Variants in VWA7 observed in about 807,000 individuals in gnomAD.
VWA7 encodes the protein von Willebrand factor A domain containing 7.
VWA7 carries 66 observed loss-of-function variants against 83.1 expected under a neutral mutation model. That is an observed-to-expected ratio of 0.79 (90% CI 0.65 to 0.98). VWA7 has a LOEUF of 0.98. VWA7 is among the 50% of genes least tolerant of loss of function. VWA7 has a pLI of 0.00. For synonymous variants in VWA7, 424 were observed against 488.5 expected (o/e 0.87, Z 1.74); for missense variants, 1,080 against 1,160.2 (o/e 0.93, Z 1.00).
chr6:31,769,936 C>A lies in VWA7; in HGVS notation c.1200+65G>T. 6.4e-7 allele frequency: 1 copy of A among 1,551,688 alleles called. No homozygotes were observed. Among genetic ancestry groups the A allele is most frequent in the Non-Finnish European group, 8.9e-7 (1 of 1,126,670 alleles). On this transcript the variant is annotated intron_variant, in intron 8 of 16. Coordinates refer to ENST00000375688, the MANE Select transcript of VWA7 (RefSeq NM_025258.3). This position sits in a 1 kb window ranked among gnomAD's most constrained non-coding sequence, Gnocchi z 4.5. Reference sequence around the variant, plus strand: ...TAGGTGCTGAAGGTGGTGGGGAGCCCCAGGAGGGATCTAGCTCCCCCTGGT... The same window carrying A: ...TAGGTGCTGAAGGTGGTGGGGAGCCACAGGAGGGATCTAGCTCCCCCTGGT...
rs757317476 is a variant in VWA7 at position 31,769,071 on chromosome 6, C to T, written c.1450G>A (p.Asp484Asn). ...ASGGEVIFTK[D>N]QHIRDVAAIV... ...GCTGCCACGTCTCGAATGTGCTGGT[C>T]TTTGGTGAAGATCACCTCTCCTCCT... Residue 484 changes from aspartate to asparagine, a missense_variant, in exon 10 of 17, where the codon GAC (aspartate) becomes AAC (asparagine). Transcript: ENST00000375688. The surrounding 1 kb of genome is among the most constrained non-coding windows in gnomAD (Gnocchi z 4.5). The T allele has an allele frequency of 6.2e-7, 1 of 1,613,114 alleles. No homozygotes were observed. The highest frequency in any genetic ancestry group is 8.5e-7 in the Non-Finnish European group (1 of 1,180,034).
intron 7 of VWA7, among the ~76,000 whole-genome samples, chr6:31,770,615 C>A (rs1453235913): frequency 1.6e-5 from 2 of 127,316 alleles, no homozygotes; most frequent in Non-Finnish European, 3.3e-5. Context: ...CAGGGCGGGG[C>A]AGGGCGGGGC....
At position 31,767,432 on chromosome 6, in the gene VWA7, A is replaced by G; in HGVS notation, c.1719T>C (p.Asp573=). 1 of 1,613,076 alleles carries G rather than the reference A, an allele frequency of 6.2e-7. No individual in the cohort carries two copies. Among genetic ancestry groups the G allele is most frequent in the South Asian group, 1.1e-5 (1 of 91,082 alleles). The part of the protein sequence containing the change: ...RFGQFWMVTM[D]DPPQTGTWEI... ...CCCAGGTTCCTGTCTGTGGAGGGTC[A>G]TCCATGGTCACCATCCAGAACTGCC... is the stretch of plus-strand genomic sequence containing the variant. The change falls in exon 12 of 17, where the codon GAT becomes GAC. Residue 573 remains aspartate (D), a synonymous_variant. Coordinates refer to ENST00000375688, the MANE Select transcript of VWA7 (RefSeq NM_025258.3).
Position 31,769,907 on chromosome 6 carries a change from G to A in VWA7, c.1200+94C>T, listed in dbSNP as rs1415459887. Reference sequence around the variant, plus strand: ...CGGGAACCCTACAGTGAAGCTAGTGGATCTAGGTGCTGAAGGTGGTGGGGA... The same window carrying A: ...CGGGAACCCTACAGTGAAGCTAGTGAATCTAGGTGCTGAAGGTGGTGGGGA... On this transcript the variant is annotated intron_variant, in intron 8 of 16. Transcript: ENST00000375688. The surrounding 1 kb of genome is among the most constrained non-coding windows in gnomAD (Gnocchi z 4.5). The A allele has an allele frequency of 3.4e-6, 5 of 1,483,422 alleles. No homozygotes were observed. Among genetic ancestry groups the A allele is most frequent in the Non-Finnish European group, 4.7e-6 (5 of 1,065,484 alleles). The allele number at this position is 1,483,422 out of a possible 1,614,324, so 91.9% of individuals were successfully genotyped here.
chr6:31,774,850 G>A (rs1400840029), intron 4 of VWA7, among the ~76,000 whole-genome samples: 7 of 152,178 alleles, frequency 4.6e-5, no homozygotes, highest in South Asian at 4.1e-4. Context: ...GCTGGGTGCG[G>A]TGGCTCACGA....
chr6:31,774,168 A>AG (rs1562281183), intron 5 of VWA7, among the ~76,000 whole-genome samples: 3 of 151,124 alleles, frequency 2.0e-5, no homozygotes, highest in African/African-American at 2.4e-5. Context: ...AAAAAAAAAA[A>AG]AAAAAAAGGA....
rs540939453 is a variant in VWA7 at position 31,767,356 on chromosome 6, C to T, written c.1789+6G>A. On this transcript the variant is annotated splice_donor_region_variant and intron_variant, in intron 12 of 16. Coordinates refer to ENST00000375688, the MANE Select transcript of VWA7 (RefSeq NM_025258.3). ...TTCCCCTTCCCAGGAACACCTCCCT[C>T]CTTACCTTGCACTCTCACCCCAGGG... 6.2e-7 allele frequency: 1 copy of T among 1,612,984 alleles called. No individual in the cohort carries two copies. Among genetic ancestry groups the T allele is most frequent in the East Asian group, 2.2e-5 (1 of 44,860 alleles).
rs1812022143 is a variant in VWA7, at chr6:31,770,034, T to C, written c.1167A>G (p.Gly389=). 1 of 1,612,702 alleles carries C rather than the reference T, an allele frequency of 6.2e-7. No individual in the cohort carries two copies. The highest frequency in any genetic ancestry group is 1.3e-5 in the African/African-American group (1 of 74,872). The change falls in exon 8 of 17, where the codon GGA becomes GGG. Residue 389 remains glycine, a synonymous_variant. Coordinates refer to ENST00000375688, the MANE Select transcript of VWA7 (RefSeq NM_025258.3). ...CTGACAGGCACATCTCAGGCTCGTC[T>C]CCACCCCCCAAGGCATGGATCTCAT... ...QLNEIHALGG[G]DEPEMCLSAL...
At chr6:31,767,077 A>ATATATAT (rs992119206) in intron 13 of VWA7, 81 bp downstream of exon 13, 1 of 337,020 alleles carries the variant, frequency 3.0e-6, no homozygotes, top group Admixed American at 4.9e-5. Flanking sequence ...TATATATAAT[A>ATATATAT]TATATATTAT....
rs1811743290 is a variant in VWA7, at chr6:31,767,609, C to A, written c.1636+13G>T. 6.2e-7 allele frequency: 1 copy of A among 1,607,480 alleles called. No individual in the cohort carries two copies. Among genetic ancestry groups the A allele is most frequent in the Non-Finnish European group, 8.5e-7 (1 of 1,174,418 alleles). On this transcript the variant is annotated intron_variant, in intron 11 of 16. Transcript: ENST00000375688. The stretch of plus-strand genomic sequence containing the variant: ...TCCCCGGTCCCCTCTCTTCCCTCTA[C>A]CTTCAGAGGTACCTGCAGGGTTCTT...
rs1217262594 is a variant in VWA7 at position 31,766,057 on chromosome 6, C to G, written c.2325G>C (p.Arg775Ser). Residue 775 changes from arginine (R) to serine (S), a missense_variant and splice_region_variant, in exon 16 of 17, where the codon AGG (arginine) becomes AGC (serine). Transcript: ENST00000375688. The surrounding 1 kb of genome is among the most constrained non-coding windows in gnomAD (Gnocchi z 4.9). Reference sequence around the variant, plus strand: ...CCGACTCATTCAGTTCCAGGTGAGCCCTGGAGAGAGGATATAGGCGTCGCT... The same window carrying G: ...CCGACTCATTCAGTTCCAGGTGAGCGCTGGAGAGAGGATATAGGCGTCGCT... ...PSFSLTSNLS[R>S]AHLELNESAW... 1 of 1,612,966 alleles carries G rather than the reference C, an allele frequency of 6.2e-7. No homozygotes were observed. Among genetic ancestry groups the G allele is most frequent in the South Asian group, 1.1e-5 (1 of 91,090 alleles).
Position 31,769,566 on chromosome 6 carries a change from G to T in VWA7, c.1317+109C>A. On this transcript the variant is annotated intron_variant, in intron 9 of 16. Transcript: ENST00000375688. The surrounding 1 kb of genome is among the most constrained non-coding windows in gnomAD (Gnocchi z 4.5). ...TCTGCTTCTCCCACCATATACCAAG[G>T]CTTGTTGGGCCACCATAGTGTGGTG... The T allele has an allele frequency of 2.0e-6, 2 of 1,003,656 alleles. No homozygotes were observed. The highest frequency in any genetic ancestry group is 3.1e-6 in the Non-Finnish European group (2 of 648,150). The allele number at this position is 1,003,656 out of a possible 1,614,324, so 62.2% of individuals were successfully genotyped here. A position where few individuals can be genotyped will look rare whatever the true frequency, so the allele number is the denominator to read the frequency against.
intron 7 of VWA7, among the ~76,000 whole-genome samples, chr6:31,770,677 G>GA (rs1812092427): frequency 2.0e-5 from 3 of 151,112 alleles, no homozygotes; most frequent in Non-Finnish European, 4.4e-5. Flanking sequence ...TCCACTCCCT[G>GA]AAAAAAATGG....
At chr6:31,774,175 AGG>A (rs1282095171) in intron 5 of VWA7, among the ~76,000 whole-genome samples, 1 of 147,932 alleles carries the variant, frequency 6.8e-6, no homozygotes, top group Non-Finnish European at 1.5e-5. Flanking sequence ...AAAAAAAAAA[AGG>A]ATAAAAAGGA....
At position 31,767,179 on chromosome 6, in the gene VWA7, G is replaced by T. The variant is rs1200052873; in HGVS notation, c.1861C>A (p.Pro621Thr). Residue 621 changes from proline to threonine, a missense_variant, in exon 13 of 17, where the codon CCC becomes ACC. Pro to Thr is a conservative substitution (Grantham distance 38, BLOSUM62 -1). Transcript: ENST00000375688. ...MEDGPHPGLY[P>T]LTQPVAGLQT... ...GTACCTGCAACTGGCTGAGTCAGGG[G>T]GTAGAGGCCAGGGTGGGGTCCATCC... 6.4e-7 allele frequency: 1 copy of T among 1,550,604 alleles called. No individual in the cohort carries two copies. Among genetic ancestry groups the T allele is most frequent in the Non-Finnish European group, 8.6e-7 (1 of 1,158,956 alleles).
chr6:31,767,175 A>G lies in VWA7; in HGVS notation c.1865T>C (p.Leu622Pro). The G allele has an allele frequency of 3.9e-6, 6 of 1,534,484 alleles. No individual in the cohort carries two copies. The highest frequency in any genetic ancestry group is 4.3e-6 in the Non-Finnish European group (5 of 1,151,748). The change falls in exon 13 of 17, where the codon CTG (leucine) becomes CCG (proline). Residue 622 changes from leucine to proline, a missense_variant. Transcript: ENST00000375688. ...AAATGTACCTGCAACTGGCTGAGTC[A>G]GGGGGTAGAGGCCAGGGTGGGGTCC... ...EDGPHPGLYPLTQPVAGLQTQ... is the reference protein window; with the variant it reads ...EDGPHPGLYPPTQPVAGLQTQ...
At position 31,765,992 on chromosome 6, in the gene VWA7, G is replaced by A. The variant is rs1562262057; in HGVS notation, c.2390C>T (p.Ala797Val). ...AGTCACCATCACCACGGAATCCGGGGCCGCTGAATCTGGGACCTCCAGCCA... is the reference window on the plus strand; with the variant it reads ...AGTCACCATCACCACGGAATCCGGGACCGCTGAATCTGGGACCTCCAGCCA... ...RLWLEVPDSA[A>V]PDSVVMVTVT... Residue 797 changes from alanine (A) to valine (V), a missense_variant, in exon 16 of 17, where the codon GCC becomes GTC. Transcript: ENST00000375688. 1 of 1,613,018 alleles carries A rather than the reference G, an allele frequency of 6.2e-7. No homozygotes were observed. Among genetic ancestry groups the A allele is most frequent in the South Asian group, 1.1e-5 (1 of 91,072 alleles).
In VWA7 at chr6:31,773,319, A is replaced by T; in HGVS notation, c.840T>A (p.Ala280=). 1 of 1,608,756 alleles carries T rather than the reference A, an allele frequency of 6.2e-7. No individual in the cohort carries two copies. The highest frequency in any genetic ancestry group is 8.5e-7 in the Non-Finnish European group (1 of 1,177,872). Reference sequence around the variant, plus strand: ...TGGAGGCTAGAAGGGCCAGTTTTGCAGCCTGGAGGTGCAGCATGTGGTGAG... The same window carrying T: ...TGGAGGCTAGAAGGGCCAGTTTTGCTGCCTGGAGGTGCAGCATGTGGTGAG... ...FSPHHMLHLQ[A]AKLALLASIQ... Residue 280 remains alanine, a synonymous_variant, in exon 6 of 17, where the codon GCT becomes GCA. Coordinates refer to ENST00000375688, the MANE Select transcript of VWA7 (RefSeq NM_025258.3). The surrounding 1 kb of genome is among the most constrained non-coding windows in gnomAD (Gnocchi z 5.3).
chr6:31,774,168 A>AAAG (rs1554218490), intron 5 of VWA7, among the ~76,000 whole-genome samples: 1 of 151,242 alleles, frequency 6.6e-6, no homozygotes, highest in Non-Finnish European at 1.5e-5. Context: ...AAAAAAAAAA[A>AAAG]AAAAAAAGGA....
Sources: allele counts gnomAD v4.1 joint callset (sites outside exome capture counted in the v4.1 genomes callset), GRCh38; gene constraint gnomAD v4.1.1; non-coding constraint Gnocchi (gnomAD v3.1); transcripts MANE v1.5; gene names NCBI Gene and HGNC (gene_info 2026-07-23, HGNC 2026-07-21).